The following PTPRM variants were observed in gnomAD, a reference collection of about 807,000 sequenced individuals.
PTPRM encodes the protein protein tyrosine phosphatase receptor type M.
A neutral mutation model predicts 186.7 loss-of-function variants in PTPRM; 47 were observed. The observed-to-expected ratio is 0.25, with a 90% CI of 0.20 to 0.32. The LOEUF (loss-of-function observed/expected upper bound fraction) is 0.32. Among genes scored for constraint, PTPRM ranks in the 10% least tolerant of loss-of-function variants. The pLI is 1.00. For synonymous variants in PTPRM, 668 were observed against 674.9 expected, an observed-to-expected ratio of 0.99 and a Z score of 0.16; for missense variants, 1,494 against 1,865.0, an observed-to-expected ratio of 0.80 and a Z score of 3.66.
At chr18:8,261,279 T>C (rs1235842226) in intron 19 of PTPRM, among the ~76,000 whole-genome samples, 2 of 152,178 alleles carry the variant, frequency 1.3e-5, no homozygotes, top group Non-Finnish European at 2.9e-5. Context: ...TGGCAGGCAC[T>C]GTAAATGCAT....
chr18:8,011,323 A>C (rs550709276), intron 7 of PTPRM, among the ~76,000 whole-genome samples: 2 of 152,230 alleles, frequency 1.3e-5, no homozygotes, highest in African/African-American at 4.8e-5. Flanking sequence ...GATTGCTGGG[A>C]GGGTGCAGGC....
intron 19 of PTPRM, among the ~76,000 whole-genome samples, chr18:8,271,698 T>A (rs2094773030): frequency 6.6e-6 from 1 of 152,150 alleles, no homozygotes; most frequent in South Asian, 2.1e-4. Context: ...TTCTCATTTT[T>A]CTTGAGTTAA....
intron 7 of PTPRM, among the ~76,000 whole-genome samples, chr18:7,964,058 G>T (rs571111624): frequency 3.2e-4 from 48 of 152,088 alleles, no homozygotes; most frequent in African/African-American, 1.1e-3. Flanking sequence ...AATTATTGAT[G>T]ATGACATGAT....
At chr18:7,849,235 T>C (rs537695705) in intron 2 of PTPRM, among the ~76,000 whole-genome samples, 1 of 152,336 alleles carries the variant, frequency 6.6e-6, no homozygotes, top group East Asian at 1.9e-4. Context: ...TGACTGCAGG[T>C]AAAATGTCTC....
At chr18:7,611,614 C>T (rs2037676770) in intron 1 of PTPRM, among the ~76,000 whole-genome samples, 1 of 152,144 alleles carries the variant, frequency 6.6e-6, no homozygotes, top group Non-Finnish European at 1.5e-5. Flanking sequence ...GTGTCCCCAC[C>T]CAAATCTCAT....
chr18:7,956,079 T>C (rs1158203222), intron 7 of PTPRM, among the ~76,000 whole-genome samples: 2 of 152,152 alleles, frequency 1.3e-5, no homozygotes, highest in African/African-American at 4.8e-5. Flanking sequence ...AATTAGAGAT[T>C]GTAGTGTTGT....
chr18:7,848,569 T>C (rs2046710467), intron 2 of PTPRM, among the ~76,000 whole-genome samples: 1 of 152,142 alleles, frequency 6.6e-6, no homozygotes, highest in Non-Finnish European at 1.5e-5. Context: ...CCCAGGAATT[T>C]GAGACCAGAC....
At chr18:7,659,591 A>G (rs1568011635) in intron 1 of PTPRM, among the ~76,000 whole-genome samples, 1 of 152,240 alleles carries the variant, frequency 6.6e-6, no homozygotes, top group Non-Finnish European at 1.5e-5. Flanking sequence ...CTTGACAGAT[A>G]GTAAATGCTC....
At chr18:7,766,390 A>G (rs1237962729) in intron 1 of PTPRM, among the ~76,000 whole-genome samples, 1 of 152,224 alleles carries the variant, frequency 6.6e-6, no homozygotes, top group East Asian at 1.9e-4. Flanking sequence ...TAGTGGATGT[A>G]TGGAGCTGAC....
At chr18:7,740,069 T>TG (rs1452139914) in intron 1 of PTPRM, among the ~76,000 whole-genome samples, 3 of 152,364 alleles carry the variant, frequency 2.0e-5, no homozygotes, top group Admixed American at 1.3e-4. Context: ...TAGCTGCATG[T>TG]GGCTGGTGGG....
intron 1 of PTPRM, among the ~76,000 whole-genome samples, chr18:7,730,844 C>T (rs531402889): frequency 1.3e-5 from 2 of 152,188 alleles, no homozygotes; most frequent in East Asian, 1.9e-4. Flanking sequence ...CACACAATAC[C>T]GAGGGACTTA....
chr18:7,734,053 G>A (rs1258210256), intron 1 of PTPRM, among the ~76,000 whole-genome samples: 1 of 152,164 alleles, frequency 6.6e-6, no homozygotes, highest in East Asian at 1.9e-4. Flanking sequence ...CTTATGAAGG[G>A]GTCAGAACTC....
At chr18:7,842,428 G>T (rs151125670) in intron 2 of PTPRM, among the ~76,000 whole-genome samples, 1 of 152,166 alleles carries the variant, frequency 6.6e-6, no homozygotes, top group African/African-American at 2.4e-5. Context: ...TGGTTAATTT[G>T]TGTCCACTTG....
chr18:8,161,962 A>G (rs1438323835), intron 14 of PTPRM, among the ~76,000 whole-genome samples: 1 of 152,296 alleles, frequency 6.6e-6, no homozygotes, highest in East Asian at 1.9e-4. Context: ...TGTGTTCTGC[A>G]CTGGGATTGC....
chr18:8,017,667 A>G (rs1353139321), intron 7 of PTPRM: 1 of 151,968 alleles, frequency 6.6e-6, no homozygotes, highest in East Asian at 1.9e-4. Context: ...TACAAAGCAT[A>G]TTTCCAGTTT....
intron 4 of PTPRM, among the ~76,000 whole-genome samples, chr18:7,912,535 A>G (rs75323995): frequency 0.29 from 44,729 of 151,734 alleles, 6,999 homozygotes; most frequent in East Asian, 0.44. Context: ...TTTTTGAGAC[A>G]GAGTCTCACT....
chr18:8,127,415 A>ATT (rs1450976393), intron 13 of PTPRM, among the ~76,000 whole-genome samples: 22 of 62,418 alleles, frequency 3.5e-4, no homozygotes, highest in East Asian at 3.0e-3. Flanking sequence ...GTCCAGCTGT[A>ATT]TTGTTTTTTT....
intron 22 of PTPRM, among the ~76,000 whole-genome samples, chr18:8,326,549 A>C (rs902736160): frequency 2.0e-5 from 3 of 152,248 alleles, no homozygotes; most frequent in African/African-American, 7.2e-5. Flanking sequence ...ACATGGCTAC[A>C]GTAACCAAAA....
intron 14 of PTPRM, among the ~76,000 whole-genome samples, chr18:8,163,349 C>T (rs1323268616): frequency 6.6e-6 from 1 of 152,154 alleles, no homozygotes; most frequent in Non-Finnish European, 1.5e-5. Context: ...TTTTGCCTGA[C>T]TCTAGATTAA....
Sources: gnomAD v4.1 joint callset for allele counts (sites outside exome capture counted in the v4.1 genomes callset) on GRCh38, gnomAD v4.1.1 for gene constraint, MANE v1.5 for transcripts, NCBI Gene and HGNC (gene_info 2026-07-23, HGNC 2026-07-21) for gene names.